The following MGAT4C variants were observed in gnomAD, a reference collection of about 807,000 sequenced individuals.
The protein encoded by MGAT4C is MGAT4 family member C.
A neutral mutation model predicts 40.1 loss-of-function variants in MGAT4C; 19 were observed. The observed-to-expected ratio is 0.47, with a 90% CI of 0.33 to 0.70. The LOEUF (loss-of-function observed/expected upper bound fraction) is 0.70. MGAT4C is among the 30% of genes least tolerant of loss of function. The probability of loss-of-function intolerance (pLI) is 0.02; values close to 1 mark genes in which losing one functional copy is unlikely to be tolerated. For missense variants in MGAT4C, 491 were observed against 563.2 expected, an observed-to-expected ratio of 0.87 and a Z score of 1.30; for synonymous variants, 181 against 187.1, an observed-to-expected ratio of 0.97 and a Z score of 0.27.
chr12:86,674,206 A>G (rs1353114516), intron 2 of MGAT4C, among the ~76,000 whole-genome samples: 1 of 152,196 alleles, frequency 6.6e-6, no homozygotes, highest in Non-Finnish European at 1.5e-5. Context: ...TCACTTACAG[A>G]TCAAAATATG....
rs554576103 is a variant in MGAT4C at position 85,962,570 on chromosome 12, A to G, written c.*16719T>C. On this transcript the variant is annotated 3_prime_UTR_variant, in exon 5 of 5. Transcript: ENST00000611864. Reference sequence around the variant, plus strand: ...TTAGTAATGTGATTTGACAAATCACATTTGTCAAATAAGGAATGGCTGAAT... The same window carrying G: ...TTAGTAATGTGATTTGACAAATCACGTTTGTCAAATAAGGAATGGCTGAAT... The G allele has an allele frequency of 6.6e-6, 1 of 150,794 alleles. No homozygotes were observed. The highest frequency in any genetic ancestry group is 2.4e-5 in the African/African-American group (1 of 41,390). The allele number at this position is 150,794 out of a possible 1,614,324, so 9.3% of individuals were successfully genotyped here.
At chr12:86,764,397 A>C (rs1565973563) in intron 1 of MGAT4C, among the ~76,000 whole-genome samples, 5 of 152,178 alleles carry the variant, frequency 3.3e-5, no homozygotes, top group African/African-American at 4.8e-5. Flanking sequence ...CAGCTCAAGG[A>C]GGCCTGCCGG....
intron 2 of MGAT4C, among the ~76,000 whole-genome samples, chr12:86,465,093 T>G (rs1431256055): frequency 6.6e-6 from 1 of 152,046 alleles, no homozygotes. Flanking sequence ...ACTCTGGGCT[T>G]TCTGTTTTAG....
intron 3 of MGAT4C, among the ~76,000 whole-genome samples, chr12:86,368,369 T>C (rs192957641): frequency 6.6e-6 from 1 of 152,260 alleles, no homozygotes; most frequent in African/African-American, 2.4e-5. Context: ...TTTTTTTCTA[T>C]TGATTTTCTT....
chr12:86,090,969 T>C (rs1872769869), intron 1 of MGAT4C, among the ~76,000 whole-genome samples: 1 of 151,896 alleles, frequency 6.6e-6, no homozygotes, highest in Admixed American at 6.6e-5. Flanking sequence ...TATTTACTTG[T>C]AATGATTTAT....
chr12:86,820,882 T>C (rs185928586), intron 1 of MGAT4C, among the ~76,000 whole-genome samples: 1 of 150,844 alleles, frequency 6.6e-6, no homozygotes, highest in Non-Finnish European at 1.5e-5. Context: ...CTATTTTGCA[T>C]CCATAGCATG....
intron 2 of MGAT4C, among the ~76,000 whole-genome samples, chr12:86,560,211 A>C (rs1959798289): frequency 6.6e-6 from 1 of 152,112 alleles, no homozygotes; most frequent in African/African-American, 2.4e-5. Context: ...AAGCTTATAA[A>C]GGAGAGATAA....
chr12:86,460,262 A>G (rs1038852434), intron 2 of MGAT4C, among the ~76,000 whole-genome samples: 7 of 152,184 alleles, frequency 4.6e-5, no homozygotes, highest in African/African-American at 1.7e-4. Flanking sequence ...TGGGCTCCAA[A>G]TACTTCATCC....
intron 1 of MGAT4C, among the ~76,000 whole-genome samples, chr12:86,741,204 C>T (rs1437724673): frequency 6.6e-6 from 1 of 151,130 alleles, no homozygotes; most frequent in Non-Finnish European, 1.5e-5. Context: ...GTATGTTCAT[C>T]ACAGTACTGT....
chr12:86,536,174 A>C (rs1390852589), intron 2 of MGAT4C, among the ~76,000 whole-genome samples: 1 of 152,144 alleles, frequency 6.6e-6, no homozygotes, highest in Non-Finnish European at 1.5e-5. Flanking sequence ...CATTATTATA[A>C]CCTCATCACT....
rs185863309 is a variant in MGAT4C, at chr12:86,378,007, A to G, written c.-119-43880T>C. Among the ~76,000 whole-genome samples, 141 of 152,272 alleles carry G rather than the reference A, an allele frequency of 9.3e-4. 1 individual carries two copies. Among genetic ancestry groups the G allele is most frequent in the African/African-American group, 3.1e-3 (127 of 41,556 alleles). ...TATTTCACATTGCATAATCTCATCA[A>G]TATTCAACCATGTGGTATTATGTGT... is the stretch of plus-strand genomic sequence containing the variant. On this transcript the variant is annotated intron_variant, in intron 3 of 7. Transcript: ENST00000548651.
intron 2 of MGAT4C, among the ~76,000 whole-genome samples, chr12:86,509,614 T>C (rs1179903741): frequency 6.6e-6 from 1 of 152,120 alleles, no homozygotes; most frequent in Non-Finnish European, 1.5e-5. Flanking sequence ...ATTGGTAGCT[T>C]GATGGGGATG....
chr12:86,567,911 T>C (rs1592995039), intron 2 of MGAT4C, among the ~76,000 whole-genome samples: 1 of 152,320 alleles, frequency 6.6e-6, no homozygotes, highest in East Asian at 1.9e-4. Context: ...TTGTTAACTT[T>C]ATGTAACAGC....
At chr12:86,422,951 A>C (rs770837070) in intron 3 of MGAT4C, among the ~76,000 whole-genome samples, 54 of 152,248 alleles carry the variant, frequency 3.5e-4, no homozygotes, top group Non-Finnish European at 7.1e-4. Context: ...GCCATCACCT[A>C]TTCATTTTGT....
At chr12:86,532,418 T>C (rs766824221) in intron 2 of MGAT4C, among the ~76,000 whole-genome samples, 2 of 152,042 alleles carry the variant, frequency 1.3e-5, no homozygotes. Context: ...ACAAAGTAGG[T>C]TTTTCTTAAT....
At chr12:86,775,654 TA>T (rs201046889) in intron 1 of MGAT4C, among the ~76,000 whole-genome samples, 7 of 150,656 alleles carry the variant, frequency 4.6e-5, no homozygotes, top group Non-Finnish European at 4.4e-5. Context: ...TGAAGGGGGT[TA>T]AAAAAAAGGT....
intron 1 of MGAT4C, among the ~76,000 whole-genome samples, chr12:86,210,640 A>G (rs1950425974): frequency 6.6e-6 from 1 of 152,182 alleles, no homozygotes; most frequent in African/African-American, 2.4e-5. Flanking sequence ...ATACACAATC[A>G]TCACTTACAT....
At chr12:86,535,513 C>T (rs949481856) in intron 2 of MGAT4C, among the ~76,000 whole-genome samples, 1 of 152,062 alleles carries the variant, frequency 6.6e-6, no homozygotes, top group African/African-American at 2.4e-5. Flanking sequence ...AGCTGATTCA[C>T]TCAGCTTCCC....
chr12:86,427,113 A>G (rs1284890724), intron 3 of MGAT4C, among the ~76,000 whole-genome samples: 3 of 152,158 alleles, frequency 2.0e-5, no homozygotes, highest in Admixed American at 6.5e-5. Context: ...TTGGGATACT[A>G]TTGTTATAGC....
Sources: allele counts gnomAD v4.1 joint callset (sites outside exome capture counted in the v4.1 genomes callset), GRCh38; gene constraint gnomAD v4.1.1; transcripts MANE v1.5; gene names NCBI Gene and HGNC (gene_info 2026-07-23, HGNC 2026-07-21).